Variants in ACSL6 observed in about 807,000 individuals in gnomAD.
ACSL6 encodes long-chain-fatty-acid--CoA ligase 6.
In ACSL6, 47 loss-of-function variants were observed where a neutral mutation model predicts 98.2. That is an observed-to-expected ratio of 0.48 (90% CI 0.38 to 0.61). The LOEUF is 0.61. ACSL6 is among the 20% of genes least tolerant of loss of function. The pLI is 0.00. For synonymous variants in ACSL6, 362 were observed against 336.9 expected (o/e 1.07, Z -0.82); for missense variants, 761 against 913.4 (o/e 0.83, Z 2.15).
chr5:131,992,600 G>A (rs965552881), intron 2 of ACSL6, among the ~76,000 whole-genome samples: 1 of 152,116 alleles, frequency 6.6e-6, no homozygotes, highest in African/African-American at 2.4e-5. Flanking sequence ...CACGAGCCAG[G>A]GTCATCCCTC....
intron 20 of ACSL6, 141 bp downstream of exon 20, chr5:131,959,395 C>T: frequency 1.2e-6 from 1 of 848,438 alleles, no homozygotes; most frequent in South Asian, 1.7e-5. Flanking sequence ...TGGAACAGGC[C>T]TTCAGGGGTC....
chr5:131,954,404 G>A, intron 20 of ACSL6, 33 bp from the exon 21 acceptor site: 1 of 1,604,090 alleles, frequency 6.2e-7, no homozygotes, highest in Non-Finnish European at 8.5e-7. Flanking sequence ...ATCTTTAACA[G>A]GAATAGAACA....
chr5:131,986,956 TACACACACACACATACCCACACACTC>T, intron 7 of ACSL6, 102 bp from the exon 8 acceptor site: 2 of 1,066,504 alleles, frequency 1.9e-6, no homozygotes, highest in South Asian at 1.5e-5. Flanking sequence ...CACATACACA[TACACACACACACATACCCACACACTC>T]ACACACACAC....
chr5:131,960,862 T>A (rs539307149), intron 18 of ACSL6: 1 of 378,380 alleles, frequency 2.6e-6, no homozygotes, highest in Non-Finnish European at 4.7e-6. Context: ...TAGACTGATA[T>A]GCACCTTTGA....
chr5:131,971,562 A>G lies in ACSL6; in HGVS notation c.1422T>C (p.Ala474=). The change falls in exon 14 of 21, where the codon GCT becomes GCC. Residue 474 remains alanine (A), a synonymous_variant. Transcript: ENST00000651883. ...ACAATGACAATACCTGGCACCCTAGAGCTGCCCGGAGAAATCCCAGAACTG... is the reference window on the plus strand; with the variant it reads ...ACAATGACAATACCTGGCACCCTAGGGCTGCCCGGAGAAATCCCAGAACTG... ...SPTVLGFLRA[A]LGCQVYEGYG... 6.2e-7 allele frequency: 1 copy of G among 1,609,744 alleles called. No individual in the cohort carries two copies. Among genetic ancestry groups the G allele is most frequent in the Admixed American group, 1.7e-5 (1 of 59,706 alleles).
Position 131,954,855 on chromosome 5 carries a change from G to C in ACSL6, c.2032-484C>G, listed in dbSNP as rs137902033. 1.6e-3 allele frequency among the ~76,000 whole-genome samples: 242 copies of C among 152,284 alleles called. 1 individual carries two copies. The highest frequency in any genetic ancestry group is 5.6e-3 in the African/African-American group (232 of 41,554). On this transcript the variant is annotated intron_variant, in intron 20 of 20. Transcript: ENST00000651883. Reference sequence around the variant, plus strand: ...AACGGGGAAAAGTGGGTGGAGAAGGGCATTATAGGCAGAGGCAACACCAAA... The same window carrying C: ...AACGGGGAAAAGTGGGTGGAGAAGGCCATTATAGGCAGAGGCAACACCAAA...
intron 19 of ACSL6, 74 bp from the exon 20 acceptor site, chr5:131,959,681 T>C: frequency 7.1e-7 from 1 of 1,401,724 alleles, no homozygotes; most frequent in Non-Finnish European, 1.0e-6. Flanking sequence ...AACAACACTT[T>C]TGGGTAAAGT....
chr5:131,988,987 C>A, intron 5 of ACSL6, 83 bp from the exon 6 acceptor site: 2 of 1,257,900 alleles, frequency 1.6e-6, no homozygotes, highest in African/African-American at 1.5e-5. Context: ...AACCAGCGTC[C>A]CTGCTCTAAG....
intron 17 of ACSL6, among the ~76,000 whole-genome samples, chr5:131,964,901 G>A (rs1752927707): frequency 6.6e-6 from 1 of 152,148 alleles, no homozygotes; most frequent in African/African-American, 2.4e-5. Flanking sequence ...ATATCCTAAG[G>A]CTTGGATGCA....
intron 10 of ACSL6, chr5:131,975,582 C>T: frequency 1.1e-6 from 1 of 912,484 alleles, no homozygotes; most frequent in Non-Finnish European, 1.3e-6. Context: ...CAAACACTGG[C>T]TGAGCCTGGC....
intron 1 of ACSL6, among the ~76,000 whole-genome samples, chr5:132,008,052 A>G (rs984928911): frequency 3.9e-5 from 6 of 152,204 alleles, no homozygotes; most frequent in African/African-American, 1.4e-4. Context: ...TTCTTACCAT[A>G]TAGGCTGGAG....
intron 1 of ACSL6, among the ~76,000 whole-genome samples, chr5:131,997,881 T>C (rs1381071887): frequency 6.6e-6 from 1 of 152,130 alleles, no homozygotes; most frequent in Non-Finnish European, 1.5e-5. Flanking sequence ...ACTGCTTGCG[T>C]TTACACTGAG....
chr5:131,968,089 G>T (rs1753115834), intron 15 of ACSL6, 61 bp from the exon 16 acceptor site: 1 of 1,467,218 alleles, frequency 6.8e-7, no homozygotes, highest in Non-Finnish European at 9.5e-7. Flanking sequence ...CACTGAAGAT[G>T]TTCCAAGCCC....
chr5:131,979,634 C>T (rs1475369770), intron 9 of ACSL6, among the ~76,000 whole-genome samples: 1 of 152,188 alleles, frequency 6.6e-6, no homozygotes, highest in Non-Finnish European at 1.5e-5. Context: ...CCCAGACATG[C>T]CCAAATTATT....
chr5:131,978,355 G>A (rs911260149), intron 9 of ACSL6, among the ~76,000 whole-genome samples: 13 of 152,356 alleles, frequency 8.5e-5, no homozygotes, highest in Non-Finnish European at 1.9e-4. Flanking sequence ...ATGAAGCAGA[G>A]GGAGTTTTAG....
chr5:131,991,881 G>A (rs1049334107), intron 2 of ACSL6, among the ~76,000 whole-genome samples: 6 of 152,338 alleles, frequency 3.9e-5, no homozygotes, highest in East Asian at 1.9e-4. Context: ...GGCAGCTCCC[G>A]ACTGTTTTCG....
chr5:131,989,959 G>C, intron 4 of ACSL6, 141 bp downstream of exon 4: 1 of 873,546 alleles, frequency 1.1e-6, no homozygotes, highest in Non-Finnish European at 1.7e-6. Context: ...GCCCTTCAAG[G>C]CTGTTGCCAG....
chr5:131,962,842 A>G (rs1752784813), intron 17 of ACSL6, among the ~76,000 whole-genome samples, 164 bp from the exon 18 acceptor site: 1 of 151,796 alleles, frequency 6.6e-6, no homozygotes, highest in Admixed American at 6.6e-5. Flanking sequence ...GCTCCTGGAG[A>G]GAACCACTGT....
At chr5:132,009,253 G>C (rs1457999180) in intron 1 of ACSL6, among the ~76,000 whole-genome samples, 1 of 152,178 alleles carries the variant, frequency 6.6e-6, no homozygotes, top group Admixed American at 6.5e-5. Flanking sequence ...GGAAACCCTT[G>C]CCTGGCCCTA....
Sources: gnomAD v4.1 joint callset for allele counts (sites outside exome capture counted in the v4.1 genomes callset) on GRCh38, gnomAD v4.1.1 for gene constraint, MANE v1.5 for transcripts, NCBI Gene and HGNC (gene_info 2026-07-23, HGNC 2026-07-21) for gene names.